SNRPN: variants seen among roughly 807,000 people sequenced by gnomAD.
SNRPN encodes the protein small nuclear ribonucleoprotein polypeptide N, also known as small nuclear ribonucleoprotein-associated protein N.
SNRPN carries 7 observed loss-of-function variants against 25.2 expected under a neutral mutation model. The ratio of observed to expected loss-of-function variants is 0.28; its 90% confidence interval spans 0.16 to 0.52. The LOEUF (loss-of-function observed/expected upper bound fraction) is 0.52. Among genes scored for constraint, SNRPN ranks in the 20% least tolerant of loss-of-function variants. The pLI is 0.96. For missense variants in SNRPN, 196 were observed against 322.5 expected, an observed-to-expected ratio of 0.61 and a Z score of 3.00; for synonymous variants, 124 against 110.6, an observed-to-expected ratio of 1.12 and a Z score of -0.76.
chr15:24,957,238 T>C (rs958660708), intron 1 of SNRPN, among the ~76,000 whole-genome samples: 5 of 152,208 alleles, frequency 3.3e-5, no homozygotes, highest in Admixed American at 3.3e-4. Context: ...GACATCGTGA[T>C]GGCTCTTCCC....
chr15:24,882,382 A>G (rs558033624), intron 1 of SNRPN, among the ~76,000 whole-genome samples: 1 of 152,210 alleles, frequency 6.6e-6, no homozygotes, highest in Non-Finnish European at 1.5e-5. Context: ...TATTTTAGCA[A>G]GCATGATTTT....
intron 2 of SNRPN, chr15:24,909,195 A>G: frequency 6.8e-7 from 1 of 1,474,034 alleles, no homozygotes; most frequent in Non-Finnish European, 9.4e-7. Flanking sequence ...TCCATTAAGT[A>G]GCACATGTAA....
At position 24,913,645 on chromosome 15, in the gene SNRPN, C is replaced by CAA. The variant is rs71127016; in HGVS notation, c.-504-6360_-504-6359dup. 2.9e-4 allele frequency among the ~76,000 whole-genome samples: 44 copies of CAA among 151,066 alleles called. 1 individual carries two copies. Among genetic ancestry groups the CAA allele is most frequent in the East Asian group, 2.5e-3 (13 of 5,120 alleles). ...TGGGTGACATAGTGAGACTCCGTCTCAAAAAAACAAAACAAAACAAAACAA... is the reference window on the plus strand; with the variant it reads ...TGGGTGACATAGTGAGACTCCGTCTCAAAAAAAAACAAAACAAAACAAAACAA... On this transcript the variant is annotated intron_variant, in intron 2 of 11. Transcript: ENST00000400097.
At chr15:24,973,031 G>A (rs1358839694) in intron 3 of SNRPN, among the ~76,000 whole-genome samples, 1 of 152,070 alleles carries the variant, frequency 6.6e-6, no homozygotes, top group Non-Finnish European at 1.5e-5. Flanking sequence ...GGGATTACAG[G>A]CGCCTGCCAC....
At chr15:24,935,284 A>G (rs1566929960) in intron 3 of SNRPN, among the ~76,000 whole-genome samples, 1 of 152,098 alleles carries the variant, frequency 6.6e-6, no homozygotes, top group Non-Finnish European at 1.5e-5. Flanking sequence ...AAAAAAAAAA[A>G]GTTCGATTTT....
intron 2 of SNRPN, among the ~76,000 whole-genome samples, chr15:24,835,310 G>A (rs922263091): frequency 2.0e-5 from 3 of 151,202 alleles, no homozygotes; most frequent in African/African-American, 7.3e-5. Context: ...AATATCATTT[G>A]CTAGCTGTAG....
intron 1 of SNRPN, among the ~76,000 whole-genome samples, chr15:24,861,550 C>T (rs1323552220): frequency 6.6e-6 from 1 of 152,166 alleles, no homozygotes; most frequent in Non-Finnish European, 1.5e-5. Flanking sequence ...TATGCTACTG[C>T]AGACTTTAGA....
chr15:24,923,923 A>ATTTTTTTTTTTTTTTTTTTTTTTTT (rs34575205), intron 3 of SNRPN, among the ~76,000 whole-genome samples: 1 of 89,908 alleles, frequency 1.1e-5, no homozygotes. Context: ...GTATATAAAC[A>ATTTTTTTTTTTTTTTTTTTTTTTTT]TTTTTTTTTT....
At chr15:24,967,259 C>T (rs1333877812) in intron 2 of SNRPN, 1 of 152,454 alleles carries the variant, frequency 6.6e-6, no homozygotes, top group Non-Finnish European at 1.5e-5. Context: ...CTTAAGTATC[C>T]ACTAGTCCCT....
chr15:24,862,301 G>A (rs1007035033), intron 1 of SNRPN, among the ~76,000 whole-genome samples: 2 of 150,908 alleles, frequency 1.3e-5, no homozygotes, highest in Admixed American at 6.6e-5. Flanking sequence ...AACAGAAGAG[G>A]GACAGATGAG....
rs531540625 is a variant in SNRPN, at chr15:24,890,903, T to A, written c.-505+4314T>A. ...GGAGAAATAGATAAAATGCCATTTTTAAAATTATTATTATTTTTTATTTTT... is the reference window on the plus strand; with the variant it reads ...GGAGAAATAGATAAAATGCCATTTTAAAAATTATTATTATTTTTTATTTTT... On this transcript the variant is annotated intron_variant, in intron 2 of 11. Transcript: ENST00000400097. Among the ~76,000 whole-genome samples the A allele has an allele frequency of 8.5e-5, 13 of 152,282 alleles. 1 individual carries two copies. The South Asian group carries it at 1.2e-3, about 15-fold the overall frequency.
intron 2 of SNRPN, among the ~76,000 whole-genome samples, chr15:24,919,420 G>T (rs1015678205): frequency 7.7e-6 from 1 of 129,056 alleles, no homozygotes; most frequent in Non-Finnish European, 1.6e-5. Context: ...GACAGAGCGA[G>T]ACTCTGTCTC....
chr15:24,948,662 G>T (rs1191118664), intron 3 of SNRPN, among the ~76,000 whole-genome samples: 1 of 152,090 alleles, frequency 6.6e-6, no homozygotes, highest in East Asian at 1.9e-4. Context: ...GTTCTTGGTT[G>T]TGACATTTTC....
At chr15:24,966,797 AAATCCTT>A (rs2075705991) in intron 2 of SNRPN, among the ~76,000 whole-genome samples, 1 of 152,190 alleles carries the variant, frequency 6.6e-6, no homozygotes, top group South Asian at 2.1e-4. Flanking sequence ...TCCAATTTCC[AAATCCTT>A]ACATGCCAAC....
At chr15:24,927,520 C>CTTTTTTTTTTTTTTT (rs2060497188) in intron 3 of SNRPN, among the ~76,000 whole-genome samples, 33 of 73,760 alleles carry the variant, frequency 4.5e-4, no homozygotes, top group Non-Finnish European at 6.1e-4. Context: ...TTTTTTTTTA[C>CTTTTTTTTTTTTTTT]TTTTGACCAC....
intron 1 of SNRPN, among the ~76,000 whole-genome samples, chr15:24,956,355 G>T (rs958229212): frequency 1.5e-5 from 1 of 66,050 alleles, no homozygotes; most frequent in Non-Finnish European, 3.4e-5. Context: ...GCGCTTCAGC[G>T]GGGGGGTGGC....
At chr15:24,954,000 CAT>C (rs1207726872), upstream of SNRPN, among the ~76,000 whole-genome samples, 3 of 152,174 alleles carry the variant, frequency 2.0e-5, no homozygotes, top group East Asian at 5.8e-4. Context: ...CCTCCACTCA[CAT>C]CACCCTCCCT....
rs1341681396 is a variant in SNRPN at position 24,835,087 on chromosome 15, A to G, written c.-579+5182A>G. Among the ~76,000 whole-genome samples the G allele has an allele frequency of 7.8e-5, 4 of 51,294 alleles. 2 individuals are homozygous for G. Among genetic ancestry groups the G allele is most frequent in the Non-Finnish European group, 1.7e-4 (4 of 24,144 alleles). 33.7% of individuals were successfully genotyped at this position (51,294 alleles called of 152,430 possible). A position where few individuals can be genotyped will look rare whatever the true frequency, so the allele number is the denominator to read the frequency against. On this transcript the variant is annotated intron_variant, in intron 2 of 12. Coordinates refer to the SNRPN transcript ENST00000400100. ...ATATATAGTATATATATCTATATAT[A>G]AAATATATAGATATATATACTATAT...
chr15:24,976,317 G>A lies in SNRPN; in HGVS notation c.168G>A (p.Ala56=), dbSNP rs762669644. 5.0e-6 allele frequency: 8 copies of A among 1,613,536 alleles called. No individual in the cohort carries two copies. Among genetic ancestry groups the A allele is most frequent in the South Asian group, 3.3e-5 (3 of 90,950 alleles). ...TTCTGATTTGTAGGCCAAAGAATGC[G>A]AAGCAACCAGAGCGTGAAGAAAAGC... ...DEFRKIKPKN[A]KQPEREEKRV... The change falls in exon 6 of 10, where the codon GCG becomes GCA. Residue 56 remains alanine, a synonymous_variant. Coordinates refer to ENST00000390687, the MANE Select transcript of SNRPN (RefSeq NM_003097.6).
Sources: gnomAD v4.1 joint callset for allele counts (sites outside exome capture counted in the v4.1 genomes callset) on GRCh38, gnomAD v4.1.1 for gene constraint, MANE v1.5 for transcripts, NCBI Gene and HGNC (gene_info 2026-07-23, HGNC 2026-07-21) for gene names.